The following SEL1L variants were observed in gnomAD, a reference collection of about 807,000 sequenced individuals.
SEL1L encodes protein sel-1 homolog 1.
A neutral mutation model predicts 109.8 loss-of-function variants in SEL1L; 52 were observed. That is an observed-to-expected ratio of 0.47 (90% CI 0.38 to 0.60). The LOEUF (loss-of-function observed/expected upper bound fraction) is 0.60. Among genes scored for constraint, SEL1L ranks in the 20% least tolerant of loss-of-function variants. SEL1L has a pLI of 0.00. For synonymous variants in SEL1L, 373 were observed against 339.6 expected, an observed-to-expected ratio of 1.10 and a Z score of -1.08; for missense variants, 749 against 962.2, an observed-to-expected ratio of 0.78 and a Z score of 2.93.
At chr14:81,494,557 G>A (rs936026228) in intron 11 of SEL1L, among the ~76,000 whole-genome samples, 2 of 152,154 alleles carry the variant, frequency 1.3e-5, no homozygotes, top group Non-Finnish European at 2.9e-5. Flanking sequence ...GGGCAGACCA[G>A]TCATATTCCT....
At chr14:81,513,056 C>G (rs1016827431) in intron 3 of SEL1L, among the ~76,000 whole-genome samples, 5 of 152,198 alleles carry the variant, frequency 3.3e-5, no homozygotes, top group African/African-American at 1.2e-4. Context: ...ACACACCAAT[C>G]AGCACTCTGT....
intron 1 of SEL1L, among the ~76,000 whole-genome samples, chr14:81,530,385 C>A (rs1182854314): frequency 6.6e-6 from 1 of 152,158 alleles, no homozygotes; most frequent in Non-Finnish European, 1.5e-5. Context: ...CTCTGTTTCT[C>A]AATCTGTCAA....
At chr14:81,493,604 AATG>A (rs1396610848) in intron 11 of SEL1L, among the ~76,000 whole-genome samples, 6 of 152,340 alleles carry the variant, frequency 3.9e-5, no homozygotes, top group African/African-American at 1.4e-4. Context: ...ATTTCTCTCC[AATG>A]ATGACTGTTC....
At chr14:81,487,651 A>C in intron 15 of SEL1L, 113 bp from the exon 16 acceptor site, 1 of 1,517,606 alleles carries the variant, frequency 6.6e-7, no homozygotes, top group Non-Finnish European at 8.8e-7. Flanking sequence ...TACTGAGTAA[A>C]TATGTGAATC....
At chr14:81,529,143 C>A (rs935480844) in intron 1 of SEL1L, among the ~76,000 whole-genome samples, 6 of 152,100 alleles carry the variant, frequency 3.9e-5, no homozygotes, top group African/African-American at 1.2e-4. Context: ...CCACAGCGCC[C>A]ATAACATTAG....
Position 81,486,465 on chromosome 14 carries a change from T to G in SEL1L, c.1633-11A>C, listed in dbSNP as rs373663362. ...TACATTCTTAAACAACTGTGTGAGGTGGGGAAAAAAAATATCAGTAGAAGA... is the reference window on the plus strand; with the variant it reads ...TACATTCTTAAACAACTGTGTGAGGGGGGGAAAAAAAATATCAGTAGAAGA... On this transcript the variant is annotated splice_polypyrimidine_tract_variant and intron_variant, in intron 16 of 20. Coordinates refer to ENST00000336735, the MANE Select transcript of SEL1L (RefSeq NM_005065.6). 21 of 1,607,564 alleles carry G rather than the reference T, an allele frequency of 1.3e-5. No individual in the cohort carries two copies. In the African/African-American group the frequency reaches 2.8e-4, roughly 22 times the overall value.
intron 3 of SEL1L, among the ~76,000 whole-genome samples, chr14:81,521,731 A>G (rs573336077): frequency 6.6e-6 from 1 of 152,208 alleles, no homozygotes; most frequent in South Asian, 2.1e-4. Flanking sequence ...ACAAACAACT[A>G]TGTTACTGGT....
At chr14:81,529,843 T>C (rs968891607) in intron 1 of SEL1L, among the ~76,000 whole-genome samples, 2 of 152,218 alleles carry the variant, frequency 1.3e-5, no homozygotes, top group Admixed American at 6.5e-5. Context: ...ACCTAGGAAC[T>C]TCTGATAAGT....
At chr14:81,531,089 C>T (rs1385792107) in intron 1 of SEL1L, among the ~76,000 whole-genome samples, 4 of 152,184 alleles carry the variant, frequency 2.6e-5, no homozygotes, top group African/African-American at 9.7e-5. Flanking sequence ...TAGGATGTTA[C>T]TATACACTAT....
chr14:81,515,848 G>A (rs2140042900), intron 3 of SEL1L, among the ~76,000 whole-genome samples: 1 of 152,200 alleles, frequency 6.6e-6, no homozygotes, highest in East Asian at 1.9e-4. Context: ...TGGCAACCTT[G>A]GTGTTCTATA....
chr14:81,527,056 C>G (rs569148879), intron 2 of SEL1L, 92 bp from the exon 3 acceptor site: 4 of 855,528 alleles, frequency 4.7e-6, no homozygotes, highest in Non-Finnish European at 7.6e-6. Context: ...GATATCACAT[C>G]TCCTTCAGCT....
intron 14 of SEL1L, chr14:81,489,010 AAC>A: frequency 1.9e-6 from 1 of 521,828 alleles, no homozygotes; most frequent in African/African-American, 2.0e-5. Flanking sequence ...GAGATGGAAG[AAC>A]AAGAAACAAC....
At chr14:81,521,552 G>A (rs923077269) in intron 3 of SEL1L, among the ~76,000 whole-genome samples, 4 of 152,092 alleles carry the variant, frequency 2.6e-5, no homozygotes, top group East Asian at 1.9e-4. Context: ...AGATTATATC[G>A]CTGACAAATT....
chr14:81,496,237 TG>T (rs1013241318), intron 10 of SEL1L, among the ~76,000 whole-genome samples: 1 of 151,686 alleles, frequency 6.6e-6, no homozygotes, highest in Non-Finnish European at 1.5e-5. Context: ...GGCAGGAGAA[TG>T]GCATGAACCT....
At chr14:81,498,958 G>T in intron 8 of SEL1L, 1 of 280,868 alleles carries the variant, frequency 3.6e-6, no homozygotes, top group Non-Finnish European at 5.4e-6. Flanking sequence ...TGGGAAGACA[G>T]CCAATCATGA....
intron 3 of SEL1L, among the ~76,000 whole-genome samples, chr14:81,513,658 G>A (rs1054967252): frequency 6.6e-6 from 1 of 152,124 alleles, no homozygotes; most frequent in Non-Finnish European, 1.5e-5. Context: ...GAATTCGGGG[G>A]CTAAATACTG....
chr14:81,477,303 ATG>A (rs10690579), intron 20 of SEL1L, 122 bp from the exon 21 acceptor site: 12,724 of 536,008 alleles, frequency 0.024, 3 homozygotes, highest in Middle Eastern at 0.037. Context: ...ACGTTTTGCA[ATG>A]TGTGTGTGTG....
At position 81,526,851 on chromosome 14, in the gene SEL1L, T is replaced by G; in HGVS notation, c.222A>C (p.Glu74Asp). Reference sequence around the variant, plus strand: ...CTTGGCTCTTGAGGCTGTCTTCCTCTTCTTGAATAGAGGATTCTAATTCAG... The same window carrying G: ...CTTGGCTCTTGAGGCTGTCTTCCTCGTCTTGAATAGAGGATTCTAATTCAG... ...EESELESSIQ[E>D]EEDSLKSQEG... The change falls in exon 3 of 21, where the codon GAA becomes GAC. Residue 74 changes from glutamate to aspartate, a missense_variant. By Grantham distance (45) the Glu-to-Asp change is conservative. This residue lies in a region of SEL1L where 366 missense variants were observed against 399.8 expected (regional missense o/e 0.92). Coordinates refer to ENST00000336735, the MANE Select transcript of SEL1L (RefSeq NM_005065.6). 1 of 1,602,756 alleles carries G rather than the reference T, an allele frequency of 6.2e-7. No individual in the cohort carries two copies. The highest frequency in any genetic ancestry group is 1.1e-5 in the South Asian group (1 of 88,800).
In SEL1L at chr14:81,526,973, A is replaced by G. The variant is rs1482726391; in HGVS notation, c.109-9T>C. On this transcript the variant is annotated splice_polypyrimidine_tract_variant and intron_variant, in intron 2 of 20. Transcript: ENST00000336735. ...TCTGATGTCAAAGTAGTCTGAGAAT[A>G]TAAAGTATTTTTAGTTATCAACAAT... 1.9e-6 allele frequency: 3 copies of G among 1,597,302 alleles called. No individual in the cohort carries two copies. Among genetic ancestry groups the G allele is most frequent in the Non-Finnish European group, 2.6e-6 (3 of 1,165,376 alleles).
Sources: gnomAD v4.1 joint callset for allele counts (sites outside exome capture counted in the v4.1 genomes callset) on GRCh38, gnomAD v4.1.1 for gene constraint, gnomAD v4.1.1 regional missense constraint, MANE v1.5 for transcripts, NCBI Gene and HGNC (gene_info 2026-07-23, HGNC 2026-07-21) for gene names.